Variants in SMAD2 observed in about 807,000 individuals in gnomAD.
The protein encoded by SMAD2 is SMAD family member 2.
Under a neutral mutation model 64.4 loss-of-function variants are expected in SMAD2, and 8 were observed. The ratio of observed to expected loss-of-function variants is 0.12; its 90% CI spans 0.07 to 0.22. The LOEUF is 0.22. Ranked by LOEUF, SMAD2 falls within the 10% of genes least tolerant of loss-of-function variation. The probability of loss-of-function intolerance (pLI) is 1.00; values close to 1 mark genes in which losing one functional copy is unlikely to be tolerated. For synonymous variants in SMAD2, 203 were observed against 195.8 expected (o/e 1.04, Z -0.31); for missense variants, 289 against 561.2 (o/e 0.51, Z 4.90).
intron 1 of SMAD2, among the ~76,000 whole-genome samples, chr18:47,901,087 A>C (rs1472346278): frequency 6.6e-6 from 1 of 152,156 alleles, no homozygotes; most frequent in Non-Finnish European, 1.5e-5. Flanking sequence ...AAGCCTGCTA[A>C]TTGTGATGTA....
chr18:47,910,927 A>T (rs1198745595), intron 1 of SMAD2, among the ~76,000 whole-genome samples: 1 of 152,222 alleles, frequency 6.6e-6, no homozygotes. Flanking sequence ...TTCAAGGGTC[A>T]ACTGTATATT....
chr18:47,865,642 G>C (rs1429302236), intron 5 of SMAD2, among the ~76,000 whole-genome samples: 2 of 152,130 alleles, frequency 1.3e-5, no homozygotes. Flanking sequence ...GTATGGTTCC[G>C]GATTGGTCCA....
rs998982768 is a variant in SMAD2, at chr18:47,816,572, T to A, written c.*25255A>T. ...CTTGTGTTACAAAAACTGCAACCTT[T>A]CACAAAGGTTACCCACAAAATACTT... On this transcript the variant is annotated 3_prime_UTR_variant, in exon 11 of 11. Coordinates refer to ENST00000262160, the MANE Select transcript of SMAD2 (RefSeq NM_005901.6). The A allele has an allele frequency of 1.3e-5, 2 of 152,214 alleles. No homozygotes were observed. 9.4% of individuals were successfully genotyped at this position (152,214 alleles called of 1,614,324 possible). A position where few individuals can be genotyped will look rare whatever the true frequency, so the allele number is the denominator to read the frequency against.
In SMAD2 at chr18:47,930,523, C is replaced by G. The variant is rs889545832; in HGVS notation, c.-216G>C. The G allele has an allele frequency of 6.6e-6, 1 of 150,722 alleles. No individual in the cohort carries two copies. The highest frequency in any genetic ancestry group is 2.4e-5 in the African/African-American group (1 of 41,108). 9.3% of individuals were successfully genotyped at this position (150,722 alleles called of 1,614,324 possible). On this transcript the variant is annotated 5_prime_UTR_variant, in exon 1 of 11. Coordinates refer to ENST00000262160, the MANE Select transcript of SMAD2 (RefSeq NM_005901.6). The stretch of plus-strand genomic sequence containing the variant: ...CCGGCCGCCGTCTTCCCGCCCCGCC[C>G]CCAGGCCCGGGCCCGGCCGGCGGCC...
chr18:47,866,962 G>T lies in SMAD2; in HGVS notation c.655+1361C>A, dbSNP rs560931027. 3.9e-5 allele frequency: 6 copies of T among 152,318 alleles called. No individual in the cohort carries two copies. The South Asian group carries it at 1.2e-3, about 32-fold the overall frequency. The allele number at this position is 152,318 out of a possible 1,614,324, so 9.4% of individuals were successfully genotyped here. A position where few individuals can be genotyped will look rare whatever the true frequency, so the allele number is the denominator to read the frequency against. ...TTCCAAATAATTACTGGATATGCGT[G>T]TTGTCCCTAAGACTGCATGTTTATA... On this transcript the variant is annotated intron_variant, in intron 5 of 10. Coordinates refer to ENST00000262160, the MANE Select transcript of SMAD2 (RefSeq NM_005901.6).
intron 2 of SMAD2, among the ~76,000 whole-genome samples, chr18:47,878,765 T>A (rs1043002421): frequency 6.6e-6 from 1 of 152,226 alleles, no homozygotes; most frequent in Non-Finnish European, 1.5e-5. Context: ...TCTCCTGAGT[T>A]CTGTATGATA....
rs976424337 is a variant in SMAD2 at position 47,819,985 on chromosome 18, C to G, written c.*21842G>C. The stretch of plus-strand genomic sequence containing the variant: ...CTGTGAACAGCCACTGAACTCCAGC[C>G]TGGGTAACACAGCAAGACATTGTCT... On this transcript the variant is annotated 3_prime_UTR_variant, in exon 11 of 11. Coordinates refer to ENST00000262160, the MANE Select transcript of SMAD2 (RefSeq NM_005901.6). 6.6e-6 allele frequency: 1 copy of G among 152,092 alleles called. No homozygotes were observed. The highest frequency in any genetic ancestry group is 1.5e-5 in the Non-Finnish European group (1 of 67,980). The allele number at this position is 152,092 out of a possible 1,614,324, so 9.4% of individuals were successfully genotyped here. A position where few individuals can be genotyped will look rare whatever the true frequency, so the allele number is the denominator to read the frequency against.
chr18:47,851,537 C>G (rs1481752786), intron 6 of SMAD2, among the ~76,000 whole-genome samples: 5 of 152,020 alleles, frequency 3.3e-5, no homozygotes, highest in Non-Finnish European at 4.4e-5. Flanking sequence ...AAAGGTGCAA[C>G]AGTTTTGGCT....
chr18:47,928,327 A>G (rs951389246), intron 1 of SMAD2, among the ~76,000 whole-genome samples: 1 of 152,248 alleles, frequency 6.6e-6, no homozygotes, highest in Admixed American at 6.5e-5. Flanking sequence ...TAAAAATTCA[A>G]TAGGTCTTTG....
In SMAD2 at chr18:47,828,828, A is replaced by G. The variant is rs1489942090; in HGVS notation, c.*12999T>C. On this transcript the variant is annotated 3_prime_UTR_variant, in exon 11 of 11. Transcript: ENST00000262160. ...GCAGGGTCCTCTGCCTAGGAAAACC[A>G]GAGACCCTTGTTCACATGTTTATCT... The G allele has an allele frequency of 5.9e-6, 1 of 170,256 alleles. No homozygotes were observed. Among genetic ancestry groups the G allele is most frequent in the East Asian group, 1.7e-4 (1 of 5,750 alleles). 10.5% of individuals were successfully genotyped at this position (170,256 alleles called of 1,614,324 possible).
intron 10 of SMAD2, among the ~76,000 whole-genome samples, chr18:47,843,947 T>C (rs1914225532): frequency 7.2e-6 from 1 of 139,504 alleles, no homozygotes; most frequent in Admixed American, 7.2e-5. Context: ...TTTTGCATTA[T>C]TCTAACCTTC....
At chr18:47,870,430 C>G in intron 3 of SMAD2, 45 bp downstream of exon 3, 1 of 1,392,396 alleles carries the variant, frequency 7.2e-7, no homozygotes, top group Non-Finnish European at 1.0e-6. Context: ...AATATACCCC[C>G]CTCCCACAAG....
chr18:47,876,342 T>C lies in SMAD2; in HGVS notation c.237-5778A>G, dbSNP rs1049182065. Among the ~76,000 whole-genome samples the C allele has an allele frequency of 2.6e-5, 4 of 152,188 alleles. No individual in the cohort carries two copies. In the East Asian group the frequency reaches 7.7e-4, roughly 29 times the overall value. On this transcript the variant is annotated intron_variant, in intron 2 of 10. Coordinates refer to ENST00000262160, the MANE Select transcript of SMAD2 (RefSeq NM_005901.6). The stretch of plus-strand genomic sequence containing the variant: ...CAAATTAATGTGAAATATTACAATA[T>C]GTTGAAATAAGATGTAGCAGACCAT...
Position 47,825,084 on chromosome 18 carries a change from A to G in SMAD2, c.*16743T>C, listed in dbSNP as rs1303897057. The G allele has an allele frequency of 6.6e-6, 1 of 152,366 alleles. No individual in the cohort carries two copies. Among genetic ancestry groups the G allele is most frequent in the East Asian group, 1.9e-4 (1 of 5,188 alleles). 9.4% of individuals were successfully genotyped at this position (152,366 alleles called of 1,614,324 possible). A position where few individuals can be genotyped will look rare whatever the true frequency, so the allele number is the denominator to read the frequency against. On this transcript the variant is annotated 3_prime_UTR_variant, in exon 11 of 11. Coordinates refer to ENST00000262160, the MANE Select transcript of SMAD2 (RefSeq NM_005901.6). The stretch of plus-strand genomic sequence containing the variant: ...ACTGGGCTGCCAGTAAAAGACCACA[A>G]AATATTTTTGTGTATTTACAGGAAC...
In SMAD2 at chr18:47,835,976, G is replaced by A. The variant is rs1484636687; in HGVS notation, c.*5851C>T. On this transcript the variant is annotated 3_prime_UTR_variant, in exon 11 of 11. Transcript: ENST00000262160. Reference sequence around the variant, plus strand: ...ACACCTTCTGACCCCCATCATCAGTGGCATTATTCTTCCAAGGGACTCTTA... The same window carrying A: ...ACACCTTCTGACCCCCATCATCAGTAGCATTATTCTTCCAAGGGACTCTTA... 3 of 211,610 alleles carry A rather than the reference G, an allele frequency of 1.4e-5. No homozygotes were observed. The highest frequency in any genetic ancestry group is 5.9e-5 in the Admixed American group (1 of 17,060). The allele number at this position is 211,610 out of a possible 1,614,324, so 13.1% of individuals were successfully genotyped here.
At chr18:47,866,746 C>A (rs939694594) in intron 5 of SMAD2, 2 of 151,838 alleles carry the variant, frequency 1.3e-5, no homozygotes, top group African/African-American at 2.4e-5. Flanking sequence ...AAATGTGAAC[C>A]CTTTGGTTTT....
At chr18:47,869,072 T>TC (rs2031770449) in intron 4 of SMAD2, among the ~76,000 whole-genome samples, 171 bp downstream of exon 4, 3 of 152,146 alleles carry the variant, frequency 2.0e-5, no homozygotes, top group African/African-American at 7.2e-5. Flanking sequence ...TGTTTTCTCA[T>TC]TAAAAATTTT....
chr18:47,930,833 C>G (rs2034989012), upstream of SMAD2: 1 of 148,338 alleles, frequency 6.7e-6, no homozygotes, highest in Admixed American at 6.7e-5. Context: ...GGCTGGCGAG[C>G]TGCTTCTCCG....
rs1322969096 is a variant in SMAD2 at position 47,919,467 on chromosome 18, A to AT, written c.-54+10893_-54+10894insA. ...AGTGTGACCTTGTCTCAAAAAAAAA[A>AT]ATACACACACACACACACACACACA... On this transcript the variant is annotated intron_variant, in intron 1 of 10. Transcript: ENST00000262160. Among the ~76,000 whole-genome samples the AT allele has an allele frequency of 1.3e-4, 11 of 87,114 alleles. No homozygotes were observed. In the South Asian group the frequency reaches 1.5e-3, roughly 12 times the overall value. 57.2% of individuals were successfully genotyped at this position (87,114 alleles called of 152,430 possible).
Sources: allele counts gnomAD v4.1 joint callset (sites outside exome capture counted in the v4.1 genomes callset), GRCh38; gene constraint gnomAD v4.1.1; transcripts MANE v1.5; gene names NCBI Gene and HGNC (gene_info 2026-07-23, HGNC 2026-07-21).